Variants in RBFOX1 observed in about 807,000 individuals in gnomAD.
The protein encoded by RBFOX1 is RNA binding fox-1 homolog 1.
A neutral mutation model predicts 57.7 loss-of-function variants in RBFOX1; 8 were observed. The observed-to-expected ratio is 0.14, with a 90% CI of 0.08 to 0.25. RBFOX1 has a LOEUF of 0.25. Among genes scored for constraint, RBFOX1 ranks in the 10% least tolerant of loss-of-function variants. The probability of loss-of-function intolerance (pLI) is 1.00; values close to 1 mark genes in which losing one functional copy is unlikely to be tolerated. For missense variants in RBFOX1, 611 were observed against 548.5 expected (o/e 1.11, Z -1.14); for synonymous variants, 326 against 222.4 (o/e 1.47, Z -4.15).
intron 3 of RBFOX1, among the ~76,000 whole-genome samples, chr16:5,816,313 A>G (rs554790825): frequency 1.8e-4 from 28 of 152,236 alleles, no homozygotes; most frequent in Middle Eastern, 3.4e-3. Context: ...AACTGCCAGT[A>G]CCCGTCAATT....
intron 3 of RBFOX1, among the ~76,000 whole-genome samples, chr16:7,013,466 C>G (rs563889379): frequency 6.6e-6 from 1 of 152,284 alleles, no homozygotes; most frequent in South Asian, 2.1e-4. Flanking sequence ...TCGCATCTAG[C>G]AGATGGAGTG....
chr16:5,773,913 C>T (rs1009954530), intron 3 of RBFOX1, among the ~76,000 whole-genome samples: 20 of 152,130 alleles, frequency 1.3e-4, no homozygotes, highest in Admixed American at 6.5e-4. Context: ...AGGTTGGTCT[C>T]GATCTACTGA....
intron 3 of RBFOX1, among the ~76,000 whole-genome samples, chr16:5,775,963 C>A (rs886715202): frequency 2.6e-5 from 4 of 152,154 alleles, no homozygotes; most frequent in African/African-American, 9.7e-5. Context: ...CATTTCAGCT[C>A]CCCAGGATGA....
intron 1 of RBFOX1, among the ~76,000 whole-genome samples, chr16:6,217,551 C>G (rs2097343869): frequency 6.6e-6 from 1 of 152,148 alleles, no homozygotes; most frequent in Non-Finnish European, 1.5e-5. Flanking sequence ...TCCTTTGCAT[C>G]CAGAAGAAGA....
chr16:7,483,538 A>T (rs1416380842), intron 4 of RBFOX1, among the ~76,000 whole-genome samples: 8 of 152,216 alleles, frequency 5.3e-5, no homozygotes, highest in African/African-American at 1.7e-4. Context: ...CTTTCCTGGG[A>T]TGCCAACCTT....
At chr16:7,605,397 G>C (rs926921748) in intron 9 of RBFOX1, among the ~76,000 whole-genome samples, 1 of 152,106 alleles carries the variant, frequency 6.6e-6, no homozygotes, top group African/African-American at 2.4e-5. Flanking sequence ...TCTAAAAAGG[G>C]GGCCCAGGAA....
intron 11 of RBFOX1, among the ~76,000 whole-genome samples, chr16:7,638,271 A>C (rs2062107473): frequency 6.6e-6 from 1 of 152,356 alleles, no homozygotes; most frequent in Non-Finnish European, 1.5e-5. Context: ...AGAAGGAACT[A>C]TAGGACAGGT....
At chr16:6,352,860 T>C (rs1412882509) in intron 2 of RBFOX1, among the ~76,000 whole-genome samples, 1 of 152,140 alleles carries the variant, frequency 6.6e-6, no homozygotes, top group Admixed American at 6.5e-5. Flanking sequence ...ATTTCCTTCA[T>C]GCTCGCAAAC....
At chr16:6,524,851 T>G (rs1162601345) in intron 2 of RBFOX1, among the ~76,000 whole-genome samples, 1 of 152,302 alleles carries the variant, frequency 6.6e-6, no homozygotes, top group South Asian at 2.1e-4. Context: ...TGAGTCTATG[T>G]GTCTCCAAAT....
At chr16:7,091,391 A>G (rs1384218886) in intron 4 of RBFOX1, among the ~76,000 whole-genome samples, 2 of 151,094 alleles carry the variant, frequency 1.3e-5, no homozygotes, top group African/African-American at 2.4e-5. Flanking sequence ...ATATCATTTT[A>G]TACAAACATA....
intron 4 of RBFOX1, among the ~76,000 whole-genome samples, chr16:7,241,536 T>C (rs1377879653): frequency 6.6e-6 from 1 of 152,232 alleles, no homozygotes; most frequent in Non-Finnish European, 1.5e-5. Context: ...CAAACACTTT[T>C]ATGGCAGGAA....
intron 3 of RBFOX1, among the ~76,000 whole-genome samples, chr16:6,900,022 C>G (rs990877293): frequency 1.3e-5 from 2 of 152,136 alleles, no homozygotes; most frequent in South Asian, 2.1e-4. Flanking sequence ...GGAGGATGCT[C>G]ATAGCATCAA....
chr16:6,234,621 T>C (rs965947024), intron 1 of RBFOX1, among the ~76,000 whole-genome samples: 1 of 152,202 alleles, frequency 6.6e-6, no homozygotes, highest in African/African-American at 2.4e-5. Context: ...ATAATGACTC[T>C]CAGGTTTTTA....
intron 4 of RBFOX1, among the ~76,000 whole-genome samples, chr16:7,177,683 T>C (rs558457513): frequency 6.6e-6 from 1 of 152,126 alleles, no homozygotes; most frequent in African/African-American, 2.4e-5. Context: ...CACAAAATTC[T>C]AGGACAGGGG....
intron 1 of RBFOX1, among the ~76,000 whole-genome samples, chr16:6,127,578 T>C (rs1312133095): frequency 6.6e-6 from 1 of 152,192 alleles, no homozygotes; most frequent in Non-Finnish European, 1.5e-5. Flanking sequence ...GGTAAGTCTC[T>C]AAAGAAGATT....
At chr16:7,241,328 C>A (rs1340850339) in intron 4 of RBFOX1, among the ~76,000 whole-genome samples, 1 of 152,086 alleles carries the variant, frequency 6.6e-6, no homozygotes, top group Non-Finnish European at 1.5e-5. Flanking sequence ...AAGCAGGAAG[C>A]AGGTCACCTC....
chr16:7,293,592 C>T (rs967786386), intron 4 of RBFOX1, among the ~76,000 whole-genome samples: 22 of 152,034 alleles, frequency 1.4e-4, no homozygotes, highest in Admixed American at 4.6e-4. Flanking sequence ...GACTCGCAGG[C>T]CAGATGAGGT....
rs73540710 is a variant in RBFOX1 at position 7,082,009 on chromosome 16, G to A, written c.27+29911G>A. 2.2e-3 allele frequency among the ~76,000 whole-genome samples: 339 copies of A among 152,268 alleles called. 4 individuals carry two copies. Among genetic ancestry groups the A allele is most frequent in the African/African-American group, 7.4e-3 (307 of 41,566 alleles). ...ACTGGAAATGAGCAGCCACGTGGCT[G>A]AAAGTGGAAGAAGCGATTGAATTCC... On this transcript the variant is annotated intron_variant, in intron 4 of 15. Coordinates refer to ENST00000550418, the MANE Select transcript of RBFOX1 (RefSeq NM_018723.4).
At chr16:5,399,075 T>C (rs2066642424) in intron 1 of RBFOX1, among the ~76,000 whole-genome samples, 1 of 152,160 alleles carries the variant, frequency 6.6e-6, no homozygotes. Context: ...TGGTGATTGG[T>C]GAGAACACAT....
Sources: gnomAD v4.1 joint callset for allele counts (sites outside exome capture counted in the v4.1 genomes callset) on GRCh38, gnomAD v4.1.1 for gene constraint, MANE v1.5 for transcripts, NCBI Gene and HGNC (gene_info 2026-07-23, HGNC 2026-07-21) for gene names.